The following NUMA1 variants were observed in gnomAD, a reference collection of about 807,000 sequenced individuals.
NUMA1 encodes the protein SP-H antigen.
In NUMA1, 62 loss-of-function variants were observed where a neutral mutation model predicts 237.1. The observed-to-expected ratio is 0.26, with a 90% CI of 0.21 to 0.32. The LOEUF is 0.32. Ranked by LOEUF, NUMA1 falls within the 10% of genes least tolerant of loss-of-function variation. NUMA1 has a pLI of 1.00. For missense variants in NUMA1, 2,533 were observed against 2,666.5 expected (o/e 0.95, Z 1.10); for synonymous variants, 1,028 against 1,066.1 (o/e 0.96, Z 0.70).
chr11:72,014,946 T>C lies in NUMA1; in HGVS notation c.2557A>G (p.Lys853Glu). 1.2e-6 allele frequency: 2 copies of C among 1,614,164 alleles called. No individual in the cohort carries two copies. Among genetic ancestry groups the C allele is most frequent in the Non-Finnish European group, 1.7e-6 (2 of 1,180,036 alleles). The change falls in exon 15 of 27, where the codon AAG (lysine) becomes GAG (glutamate). Residue 853 changes from lysine (K) to glutamate (E), a missense_variant. Coordinates refer to ENST00000393695, the MANE Select transcript of NUMA1 (RefSeq NM_006185.4). The surrounding 1 kb of genome is among the most constrained non-coding windows in gnomAD (Gnocchi z 4.6). Reference sequence around the variant, plus strand: ...GATTCTATGCCTGCCACCTTCTCCTTTGCCTCCTGCAGCTCCTGGCGGGCC... The same window carrying C: ...GATTCTATGCCTGCCACCTTCTCCTCTGCCTCCTGCAGCTCCTGGCGGGCC... ...EKARQELQEA[K>E]EKVAGIESHS...
chr11:72,041,560 C>G (rs151194623), intron 2 of NUMA1: 1 of 152,298 alleles, frequency 6.6e-6, no homozygotes, highest in East Asian at 1.9e-4. Context: ...AAGGGCTGTC[C>G]TGATAATTAG....
intron 2 of NUMA1, among the ~76,000 whole-genome samples, chr11:72,053,269 A>G (rs1428791669): frequency 6.6e-6 from 1 of 152,246 alleles, no homozygotes; most frequent in Non-Finnish European, 1.5e-5. Flanking sequence ...AACAGGTATG[A>G]GCCACTGTGC....
At chr11:72,042,917 C>T (rs1248844783) in intron 2 of NUMA1, among the ~76,000 whole-genome samples, 2 of 151,090 alleles carry the variant, frequency 1.3e-5, no homozygotes, top group Non-Finnish European at 3.0e-5. Flanking sequence ...AGTTGGAGAC[C>T]AGCCGGGGCA....
intron 2 of NUMA1, among the ~76,000 whole-genome samples, chr11:72,068,780 C>T (rs191388350): frequency 1.8e-3 from 272 of 152,264 alleles, no homozygotes; most frequent in African/African-American, 6.2e-3. Flanking sequence ...AAATACTCTC[C>T]TTAGGAAGTT....
At chr11:72,041,107 A>G (rs1941620367) in intron 2 of NUMA1, 1 of 152,178 alleles carries the variant, frequency 6.6e-6, no homozygotes, top group South Asian at 2.1e-4. Context: ...GCCTGGCAGG[A>G]GCGATCTTCC....
intron 2 of NUMA1, among the ~76,000 whole-genome samples, chr11:72,047,370 C>G (rs1012563913): frequency 2.0e-5 from 3 of 152,044 alleles, no homozygotes; most frequent in African/African-American, 7.3e-5. Context: ...TGCCTGTAGT[C>G]CTAGCTACTC....
chr11:72,016,567 G>A (rs756119445), intron 13 of NUMA1, 37 bp from the exon 14 acceptor site: 2 of 1,604,254 alleles, frequency 1.2e-6, no homozygotes, highest in Non-Finnish European at 1.7e-6. Flanking sequence ...CAGAGAGGGG[G>A]AACAGGCACC....
rs1267182669 is a variant in NUMA1, at chr11:72,006,138, G to C, written c.5589C>G (p.Pro1863=). 6.2e-7 allele frequency: 1 copy of C among 1,614,148 alleles called. No individual in the cohort carries two copies. Among genetic ancestry groups the C allele is most frequent in the Non-Finnish European group, 8.5e-7 (1 of 1,180,026 alleles). Residue 1863 remains proline, a synonymous_variant, in exon 22 of 27, where the codon CCC becomes CCG. Transcript: ENST00000393695. Reference sequence around the variant, plus strand: ...TGAGCAGGGCTGAGTTGCCATAATCGGGAGAACCCAGGCGAGCTAGAGACT... The same window carrying C: ...TGAGCAGGGCTGAGTTGCCATAATCCGGAGAACCCAGGCGAGCTAGAGACT... ...STQSLARLGS[P]DYGNSALLSL... is the part of the protein sequence containing the mutation.
chr11:72,055,841 C>T (rs771515720), intron 2 of NUMA1, among the ~76,000 whole-genome samples: 8 of 150,670 alleles, frequency 5.3e-5, no homozygotes, highest in South Asian at 2.1e-4. Context: ...TTCAGCTGGG[C>T]GCGGAAGCTT....
rs534099357 is a variant in NUMA1 at position 72,003,863 on chromosome 11, C to A, written c.6336+24G>T. On this transcript the variant is annotated intron_variant, in intron 26 of 26. Coordinates refer to ENST00000393695, the MANE Select transcript of NUMA1 (RefSeq NM_006185.4). ...GCCCATGCTCTCATCGGGTTTCCCT[C>A]CCCCATCCTGCCAGTGCCTCTACCT... The A allele has an allele frequency of 1.9e-6, 3 of 1,611,344 alleles. No individual in the cohort carries two copies. In the South Asian group the frequency reaches 3.3e-5, roughly 18 times the overall value.
chr11:72,047,304 T>C (rs904656452), intron 2 of NUMA1, among the ~76,000 whole-genome samples: 3 of 151,838 alleles, frequency 2.0e-5, no homozygotes, highest in South Asian at 2.1e-4. Flanking sequence ...CTGGGTAACA[T>C]AGCGAGATCC....
intron 3 of NUMA1, among the ~76,000 whole-genome samples, chr11:72,033,012 T>A: frequency 6.6e-6 from 1 of 152,188 alleles, no homozygotes; most frequent in Non-Finnish European, 1.5e-5. Context: ...TAGTTGGAAT[T>A]ATCATGTGTG....
chr11:72,016,019 C>G lies in NUMA1; in HGVS notation c.1484G>C (p.Arg495Pro), dbSNP rs781752597. Residue 495 changes from arginine (R) to proline (P), a missense_variant, in exon 15 of 27, where the codon CGG becomes CCG. Coordinates refer to ENST00000393695, the MANE Select transcript of NUMA1 (RefSeq NM_006185.4). ...CAGAGAGGCCACCTGGGCAGTCAAC[C>G]GGGCCCCATGAGCCTGGGAGGCCTG... The part of the protein sequence containing the change: ...LEQASQAHGA[R>P]LTAQVASLTS... The G allele has an allele frequency of 6.2e-7, 1 of 1,613,952 alleles. No individual in the cohort carries two copies. The highest frequency in any genetic ancestry group is 1.7e-5 in the Admixed American group (1 of 59,996).
Position 72,014,015 on chromosome 11 carries a change from G to C in NUMA1, c.3488C>G (p.Ala1163Gly). ...TAACTGGCCCTGCAGAGTCTCCAGAGCACTGTCCCGCTCAGCCCGGGAGGC... is the reference window on the plus strand; with the variant it reads ...TAACTGGCCCTGCAGAGTCTCCAGACCACTGTCCCGCTCAGCCCGGGAGGC... ...ERASRAERDS[A>G]LETLQGQLEE... The change falls in exon 15 of 27, where the codon GCT (alanine) becomes GGT (glycine). Residue 1163 changes from alanine (A) to glycine (G), a missense_variant. Ala to Gly is a moderately conservative substitution (Grantham distance 60, BLOSUM62 0). Coordinates refer to ENST00000393695, the MANE Select transcript of NUMA1 (RefSeq NM_006185.4). This position sits in a 1 kb window ranked among gnomAD's most constrained non-coding sequence, Gnocchi z 4.6. 6.2e-7 allele frequency: 1 copy of C among 1,611,836 alleles called. No homozygotes were observed. Among genetic ancestry groups the C allele is most frequent in the Non-Finnish European group, 8.5e-7 (1 of 1,179,978 alleles).
chr11:72,017,507 A>AG (rs1938017063), intron 13 of NUMA1, 180 bp downstream of exon 13: 2 of 717,052 alleles, frequency 2.8e-6, no homozygotes, highest in Admixed American at 2.4e-5. Flanking sequence ...GAAAAAAAAA[A>AG]TAAGTTAAAA....
chr11:72,005,481 G>A (rs1955623855), intron 22 of NUMA1, 112 bp from the exon 23 acceptor site: 2 of 998,920 alleles, frequency 2.0e-6, no homozygotes. Context: ...TTGAAGCCCA[G>A]CACACCAGTC....
chr11:72,013,304 A>T lies in NUMA1; in HGVS notation c.4199T>A (p.Leu1400Gln). Reference sequence around the variant, plus strand: ...CTCCCCAAGCTCCCGCTGGGCCCGCAGCAGCTCTGCCCGCAGTCCCCCAGC... The same window carrying T: ...CTCCCCAAGCTCCCGCTGGGCCCGCTGCAGCTCTGCCCGCAGTCCCCCAGC... ...QAAGGLRAEL[L>Q]RAQRELGELI... Residue 1400 changes from leucine (L) to glutamine (Q), a missense_variant, in exon 15 of 27, where the codon CTG (leucine) becomes CAG (glutamine). By Grantham distance (113) the Leu-to-Gln change is moderately radical. Around this residue, in one of 3 missense-constraint regions of NUMA1, gnomAD observed 324 missense variants for 407.6 expected, o/e 0.79. Transcript: ENST00000393695. This position sits in a 1 kb window ranked among gnomAD's most constrained non-coding sequence, Gnocchi z 6.8. 1 of 1,604,810 alleles carries T rather than the reference A, an allele frequency of 6.2e-7. No individual in the cohort carries two copies. The highest frequency in any genetic ancestry group is 1.1e-5 in the South Asian group (1 of 91,032).
intron 1 of NUMA1, among the ~76,000 whole-genome samples, chr11:72,079,652 C>T (rs1943952347): frequency 6.6e-6 from 1 of 151,594 alleles, no homozygotes; most frequent in South Asian, 2.1e-4. Flanking sequence ...CACACAGTCA[C>T]ACCACTTATA....
At chr11:72,061,956 G>GGT (rs1942968139) in intron 2 of NUMA1, among the ~76,000 whole-genome samples, 1 of 151,996 alleles carries the variant, frequency 6.6e-6, no homozygotes, top group Non-Finnish European at 1.5e-5. Flanking sequence ...ACACAACACA[G>GGT]GTGTCTCCTT....
Sources: allele counts gnomAD v4.1 joint callset (sites outside exome capture counted in the v4.1 genomes callset), GRCh38; gene constraint gnomAD v4.1.1; regional missense constraint gnomAD v4.1.1; non-coding constraint Gnocchi (gnomAD v3.1); transcripts MANE v1.5; gene names NCBI Gene and HGNC (gene_info 2026-07-23, HGNC 2026-07-21).